The following KCNIP4 variants were observed in gnomAD, a reference collection of about 807,000 sequenced individuals.
The protein encoded by KCNIP4 is potassium voltage-gated channel interacting protein 4.
A neutral mutation model predicts 34.0 loss-of-function variants in KCNIP4; 12 were observed. The ratio of observed to expected loss-of-function variants is 0.35; its 90% CI spans 0.23 to 0.57. The LOEUF (loss-of-function observed/expected upper bound fraction) is 0.57, where lower values mean the gene tolerates loss of function less well. Ranked by LOEUF, KCNIP4 falls within the 20% of genes least tolerant of loss-of-function variation. The pLI, the probability that KCNIP4 is intolerant of heterozygous loss-of-function variation, is 0.83. For synonymous variants in KCNIP4, 124 were observed against 102.2 expected (o/e 1.21, Z -1.29); for missense variants, 238 against 311.7 (o/e 0.76, Z 1.78).
chr4:21,801,882 A>C (rs1247390319), intron 1 of KCNIP4, among the ~76,000 whole-genome samples: 1 of 151,826 alleles, frequency 6.6e-6, no homozygotes, highest in Non-Finnish European at 1.5e-5. Context: ...CCTTCTTAAG[A>C]GCTATACAGA....
intron 1 of KCNIP4, among the ~76,000 whole-genome samples, chr4:21,922,750 G>A (rs371104682): frequency 6.6e-5 from 10 of 152,136 alleles, no homozygotes; most frequent in African/African-American, 1.9e-4. Context: ...ACAAAAATCA[G>A]TAATGAATAC....
At chr4:20,925,590 C>T (rs560660155) in intron 1 of KCNIP4, among the ~76,000 whole-genome samples, 5 of 152,236 alleles carry the variant, frequency 3.3e-5, no homozygotes, top group Non-Finnish European at 7.4e-5. Context: ...TATAGAGTAG[C>T]GATTCTTTTA....
At chr4:21,868,609 C>T (rs1489583719) in intron 1 of KCNIP4, among the ~76,000 whole-genome samples, 1 of 151,638 alleles carries the variant, frequency 6.6e-6, no homozygotes, top group East Asian at 1.9e-4. Context: ...GGCTCATAGG[C>T]ACCCAGTTAA....
At chr4:20,811,910 C>T (rs949927483) in intron 3 of KCNIP4, among the ~76,000 whole-genome samples, 3 of 152,012 alleles carry the variant, frequency 2.0e-5, no homozygotes, top group Non-Finnish European at 2.9e-5. Flanking sequence ...TGGGGCTGGA[C>T]AGATTTTGCA....
chr4:21,065,744 A>G (rs1744309655), intron 1 of KCNIP4, among the ~76,000 whole-genome samples: 1 of 142,426 alleles, frequency 7.0e-6, no homozygotes, highest in Non-Finnish European at 1.5e-5. Flanking sequence ...ATATATATAT[A>G]TATATATATA....
At chr4:21,930,046 C>T (rs2109006691) in intron 1 of KCNIP4, among the ~76,000 whole-genome samples, 1 of 152,226 alleles carries the variant, frequency 6.6e-6, no homozygotes, top group Middle Eastern at 3.4e-3. Flanking sequence ...TATCTGCAAT[C>T]CACTGGCTCC....
chr4:21,353,323 A>G (rs1718212346), intron 1 of KCNIP4, among the ~76,000 whole-genome samples: 1 of 152,220 alleles, frequency 6.6e-6, no homozygotes, highest in South Asian at 2.1e-4. Context: ...AGTAGGCTTC[A>G]GAAGGTCAGT....
intron 1 of KCNIP4, among the ~76,000 whole-genome samples, chr4:21,096,386 C>T (rs1577682778): frequency 1.3e-5 from 2 of 152,052 alleles, no homozygotes; most frequent in African/African-American, 2.4e-5. Flanking sequence ...TTACATTTTC[C>T]ATATTGTGTT....
intron 1 of KCNIP4, among the ~76,000 whole-genome samples, chr4:21,316,685 C>T (rs958988352): frequency 5.9e-5 from 9 of 152,160 alleles, no homozygotes; most frequent in African/African-American, 2.2e-4. Flanking sequence ...GCTTAACCAG[C>T]AAAATAGCTA....
At chr4:21,263,237 A>G (rs986979012) in intron 1 of KCNIP4, among the ~76,000 whole-genome samples, 1 of 152,202 alleles carries the variant, frequency 6.6e-6, no homozygotes, top group Non-Finnish European at 1.5e-5. Flanking sequence ...GAGACACAAT[A>G]TTTTATTAAA....
At chr4:20,859,493 T>C (rs1044033691) in intron 2 of KCNIP4, among the ~76,000 whole-genome samples, 8 of 152,164 alleles carry the variant, frequency 5.3e-5, no homozygotes, top group Non-Finnish European at 8.8e-5. Flanking sequence ...CCAGACACCA[T>C]TGAGCTTCCT....
chr4:21,269,789 T>TG (rs562575499), intron 1 of KCNIP4, among the ~76,000 whole-genome samples: 8 of 152,038 alleles, frequency 5.3e-5, no homozygotes, highest in African/African-American at 1.9e-4. Context: ...GCTCAAAAGT[T>TG]GGGGGGAAGA....
At chr4:21,297,722 T>C (rs1043722182) in intron 1 of KCNIP4, among the ~76,000 whole-genome samples, 1 of 152,110 alleles carries the variant, frequency 6.6e-6, no homozygotes, top group African/African-American at 2.4e-5. Flanking sequence ...ATTACTGATA[T>C]ATCTTCTCTT....
intron 1 of KCNIP4, among the ~76,000 whole-genome samples, chr4:21,670,899 G>A (rs889750210): frequency 8.6e-5 from 13 of 151,570 alleles, no homozygotes; most frequent in Non-Finnish European, 1.3e-4. Context: ...CTCGTGATCC[G>A]CCCGCCTCGG....
intron 1 of KCNIP4, among the ~76,000 whole-genome samples, chr4:21,782,784 T>A (rs1719652921): frequency 1.3e-5 from 2 of 152,056 alleles, no homozygotes; most frequent in Non-Finnish European, 2.9e-5. Flanking sequence ...GTCCTATAGG[T>A]GAACAGTTAA....
At chr4:21,715,345 T>C (rs944172418) in intron 1 of KCNIP4, among the ~76,000 whole-genome samples, 17 of 152,188 alleles carry the variant, frequency 1.1e-4, no homozygotes, top group African/African-American at 3.9e-4. Flanking sequence ...TTGGCCAGGA[T>C]GGTCTTGCTC....
intron 1 of KCNIP4, among the ~76,000 whole-genome samples, chr4:20,928,769 T>C (rs1171593213): frequency 6.6e-6 from 1 of 151,826 alleles, no homozygotes; most frequent in Non-Finnish European, 1.5e-5. Flanking sequence ...AGTAGAAATA[T>C]TGCAATGGAA....
intron 1 of KCNIP4, among the ~76,000 whole-genome samples, chr4:21,914,713 C>T (rs1728531446): frequency 6.6e-6 from 1 of 152,134 alleles, no homozygotes; most frequent in African/African-American, 2.4e-5. Flanking sequence ...TGTTAATTTG[C>T]TCAGAAGTTG....
chr4:21,444,786 T>C (rs1445442114), intron 1 of KCNIP4, among the ~76,000 whole-genome samples: 2 of 152,004 alleles, frequency 1.3e-5, no homozygotes, highest in East Asian at 1.9e-4. Context: ...GGCAATCAGG[T>C]AGGAGAAGGA....
Sources: gnomAD v4.1 joint callset for allele counts (sites outside exome capture counted in the v4.1 genomes callset) on GRCh38, gnomAD v4.1.1 for gene constraint, MANE v1.5 for transcripts, NCBI Gene and HGNC (gene_info 2026-07-23, HGNC 2026-07-21) for gene names.